Variants in PCSK5 observed in about 807,000 individuals in gnomAD.
The protein encoded by PCSK5 is prohormone convertase 5.
A neutral mutation model predicts 233.2 loss-of-function variants in PCSK5; 129 were observed. The observed-to-expected ratio is 0.55, with a 90% CI of 0.48 to 0.64. The LOEUF (loss-of-function observed/expected upper bound fraction) is 0.64. Among genes scored for constraint, PCSK5 ranks in the 30% least tolerant of loss-of-function variants. The pLI, the probability that PCSK5 is intolerant of heterozygous loss-of-function variation, is 0.00. For synonymous variants in PCSK5, 825 were observed against 879.2 expected (o/e 0.94, Z 1.09); for missense variants, 2,076 against 2,430.1 (o/e 0.85, Z 3.06).
chr9:76,206,822 C>A (rs1200160360), intron 20 of PCSK5, among the ~76,000 whole-genome samples: 3 of 152,186 alleles, frequency 2.0e-5, no homozygotes, highest in Non-Finnish European at 2.9e-5. Flanking sequence ...GTATTAATTT[C>A]TTATGGCTGC....
At chr9:76,298,128 G>A (rs187304671) in intron 27 of PCSK5, among the ~76,000 whole-genome samples, 66 of 152,278 alleles carry the variant, frequency 4.3e-4, no homozygotes, top group African/African-American at 1.5e-3. Flanking sequence ...CTGAACATCT[G>A]TATTTTATCT....
intron 17 of PCSK5, among the ~76,000 whole-genome samples, chr9:76,185,274 T>C (rs1824052389): frequency 6.6e-6 from 1 of 152,204 alleles, no homozygotes; most frequent in African/African-American, 2.4e-5. Flanking sequence ...AATGGATGAC[T>C]TGCTCATTGC....
intron 37 of PCSK5, among the ~76,000 whole-genome samples, chr9:76,354,780 T>A (rs1564198953): frequency 6.6e-6 from 1 of 151,904 alleles, no homozygotes; most frequent in Non-Finnish European, 1.5e-5. Flanking sequence ...CTGTCTAAAT[T>A]TTTTTTTAAA....
intron 21 of PCSK5, among the ~76,000 whole-genome samples, chr9:76,231,465 C>T (rs1238400246): frequency 1.3e-5 from 2 of 152,210 alleles, no homozygotes; most frequent in Admixed American, 1.3e-4. Flanking sequence ...TACTTCACAT[C>T]CCTTTCTCAA....
At chr9:76,146,521 C>T (rs1312181195) in intron 10 of PCSK5, among the ~76,000 whole-genome samples, 1 of 117,842 alleles carries the variant, frequency 8.5e-6, no homozygotes, top group Non-Finnish European at 1.8e-5. Flanking sequence ...TGTATATATA[C>T]ATGTATGTAT....
At chr9:76,182,413 C>T (rs1823912552) in intron 16 of PCSK5, among the ~76,000 whole-genome samples, 1 of 152,136 alleles carries the variant, frequency 6.6e-6, no homozygotes, top group Admixed American at 6.5e-5. Context: ...AAAAGATGAT[C>T]AGGTACTGTA....
chr9:76,261,837 G>A (rs886966225), intron 24 of PCSK5, among the ~76,000 whole-genome samples: 1 of 152,178 alleles, frequency 6.6e-6, no homozygotes, highest in South Asian at 2.1e-4. Context: ...AAATGCTTGT[G>A]ATTTTTCACA....
intron 2 of PCSK5, among the ~76,000 whole-genome samples, chr9:75,951,389 A>G (rs560347087): frequency 6.6e-6 from 1 of 152,330 alleles, no homozygotes; most frequent in Admixed American, 6.5e-5. Context: ...ATTCTGAAAC[A>G]GTCGGTTTTC....
At chr9:76,170,013 T>C (rs1476816180) in intron 13 of PCSK5, among the ~76,000 whole-genome samples, 173 bp downstream of exon 13, 1 of 152,248 alleles carries the variant, frequency 6.6e-6, no homozygotes. Context: ...ATTTGAGAGA[T>C]AGTAATTTAA....
At chr9:75,956,000 G>A (rs1434137098) in intron 2 of PCSK5, among the ~76,000 whole-genome samples, 2 of 152,108 alleles carry the variant, frequency 1.3e-5, no homozygotes, top group African/African-American at 4.8e-5. Flanking sequence ...TAAGTAACTC[G>A]CTCAAAGCAT....
chr9:76,111,775 T>C (rs1832226139), intron 9 of PCSK5, among the ~76,000 whole-genome samples: 1 of 152,182 alleles, frequency 6.6e-6, no homozygotes, highest in African/African-American at 2.4e-5. Flanking sequence ...AAATGAAAGA[T>C]GGCTGTACTA....
At chr9:76,329,316 ATG>A (rs1433239646) in intron 33 of PCSK5, among the ~76,000 whole-genome samples, 2 of 149,218 alleles carry the variant, frequency 1.3e-5, no homozygotes, top group Non-Finnish European at 3.0e-5. Context: ...CTTCCATGTC[ATG>A]TCCAGCCATT....
chr9:75,891,177 G>A lies in PCSK5; in HGVS notation c.-5G>A, dbSNP rs774148931. The stretch of plus-strand genomic sequence containing the variant: ...CGAGCGAGGGAGCAGCGAGGCGCCG[G>A]GACCATGGGCTGGGGGAGCCGCTGC... On this transcript the variant is annotated 5_prime_UTR_variant, in exon 1 of 38. Transcript: ENST00000674117. 8 of 1,463,886 alleles carry A rather than the reference G, an allele frequency of 5.5e-6. No individual in the cohort carries two copies. In the South Asian group the frequency reaches 1.1e-4, roughly 20 times the overall value. The allele number at this position is 1,463,886 out of a possible 1,614,324, so 90.7% of individuals were successfully genotyped here. A position where few individuals can be genotyped will look rare whatever the true frequency, so the allele number is the denominator to read the frequency against.
Position 76,145,479 on chromosome 9 carries a change from C to G in PCSK5, c.1312+11267C>G, listed in dbSNP as rs527484123. On this transcript the variant is annotated intron_variant, in intron 10 of 37. Transcript: ENST00000674117. ...GTCTTGTGAAAATACCACCTCCCCC[C>G]CAGCTCATTTTTTCTACCAAGGCAT... 6.6e-5 allele frequency among the ~76,000 whole-genome samples: 10 copies of G among 152,284 alleles called. No individual in the cohort carries two copies. The East Asian group carries it at 1.2e-3, about 18-fold the overall frequency.
At chr9:76,231,623 T>G (rs1350644812) in intron 21 of PCSK5, among the ~76,000 whole-genome samples, 1 of 152,230 alleles carries the variant, frequency 6.6e-6, no homozygotes, top group Non-Finnish European at 1.5e-5. Flanking sequence ...TTTGTTTGTT[T>G]GTTTGTTCAT....
intron 32 of PCSK5, among the ~76,000 whole-genome samples, chr9:76,323,503 C>A (rs893027703): frequency 5.9e-5 from 9 of 152,086 alleles, no homozygotes; most frequent in African/African-American, 2.2e-4. Context: ...CCCACCTCAG[C>A]CTCCAGAGTT....
At chr9:76,338,039 G>T (rs1334579877) in intron 34 of PCSK5, among the ~76,000 whole-genome samples, 191 bp from the exon 35 acceptor site, 1 of 152,086 alleles carries the variant, frequency 6.6e-6, no homozygotes, top group Non-Finnish European at 1.5e-5. Flanking sequence ...GGGAGGGATT[G>T]GCCCAATTTA....
chr9:76,182,408 A>C (rs1184429210), intron 16 of PCSK5, among the ~76,000 whole-genome samples: 2 of 152,242 alleles, frequency 1.3e-5, no homozygotes, highest in Non-Finnish European at 2.9e-5. Context: ...GGGCTAAAAG[A>C]TGATCAGGTA....
At chr9:76,138,641 T>G (rs1383421868) in intron 10 of PCSK5, among the ~76,000 whole-genome samples, 1 of 152,080 alleles carries the variant, frequency 6.6e-6, no homozygotes, top group African/African-American at 2.4e-5. Context: ...ATAATTATAA[T>G]TGAATGCATG....
Sources: gnomAD v4.1 joint callset for allele counts (sites outside exome capture counted in the v4.1 genomes callset) on GRCh38, gnomAD v4.1.1 for gene constraint, MANE v1.5 for transcripts, NCBI Gene and HGNC (gene_info 2026-07-23, HGNC 2026-07-21) for gene names.